The following COL6A6 variants were observed in gnomAD, a reference collection of about 807,000 sequenced individuals.
COL6A6 encodes collagen alpha-6(VI) chain.
A neutral mutation model predicts 208.6 loss-of-function variants in COL6A6; 183 were observed. The observed-to-expected ratio is 0.88, with a 90% CI of 0.78 to 0.99. COL6A6 has a LOEUF of 0.99. Ranked by LOEUF, COL6A6 falls within the 50% of genes least tolerant of loss-of-function variation. COL6A6 has a pLI of 0.00. For synonymous variants in COL6A6, 973 were observed against 1,011.8 expected (o/e 0.96, Z 0.73); for missense variants, 2,816 against 2,815.2 (o/e 1.00, Z -0.01).
rs774222244 is a variant in COL6A6 at position 130,574,425 on chromosome 3, C to G, written c.3447C>G (p.Thr1149=). The stretch of plus-strand genomic sequence containing the variant: ...ATGACCAGCAGCTCATTCAGATCAC[C>G]GGGACTGCAGAGAAAAAACTGACAG... The part of the protein sequence containing the change: ...DVDDQQLIQI[T]GTAEKKLTVH... Residue 1149 remains threonine (T), a synonymous_variant, in exon 8 of 37, where the codon ACC becomes ACG. Coordinates refer to ENST00000358511, the MANE Select transcript of COL6A6 (RefSeq NM_001102608.3). 1 of 1,613,984 alleles carries G rather than the reference C, an allele frequency of 6.2e-7. No homozygotes were observed. The highest frequency in any genetic ancestry group is 1.7e-5 in the Admixed American group (1 of 60,016).
Position 130,649,362 on chromosome 3 carries a change from G to T in COL6A6, c.5533G>T (p.Ala1845Ser). Reference sequence around the variant, plus strand: ...CTCTGCCAGCAGGGAGATTGGCAGAGCAATGCGGTTTATTTCCAGGAATGT... The same window carrying T: ...CTCTGCCAGCAGGGAGATTGGCAGATCAATGCGGTTTATTTCCAGGAATGT... Reference protein sequence around the residue: ...RSSASREIGRAMRFISRNVFK... With the variant: ...RSSASREIGRSMRFISRNVFK... Residue 1845 changes from alanine to serine, a missense_variant, in exon 33 of 37, where the codon GCA becomes TCA. Transcript: ENST00000358511. 1 of 1,611,594 alleles carries T rather than the reference G, an allele frequency of 6.2e-7. No homozygotes were observed. The highest frequency in any genetic ancestry group is 8.5e-7 in the Non-Finnish European group (1 of 1,178,950).
intron 6 of COL6A6, 82 bp downstream of exon 6, chr3:130,568,686 T>C: frequency 3.9e-6 from 5 of 1,273,496 alleles, no homozygotes; most frequent in Non-Finnish European, 3.2e-6. Context: ...TTTAATTCTA[T>C]TTACATATTG....
At chr3:130,549,874 G>C (rs1311820294) in intron 1 of COL6A6, among the ~76,000 whole-genome samples, 1 of 152,058 alleles carries the variant, frequency 6.6e-6, no homozygotes, top group East Asian at 1.9e-4. Flanking sequence ...CTCTTTTTTG[G>C]TTCCATCTAA....
chr3:130,520,021 C>G (rs1198560197), intron 1 of COL6A6, among the ~76,000 whole-genome samples: 1 of 152,186 alleles, frequency 6.6e-6, no homozygotes, highest in Non-Finnish European at 1.5e-5. Flanking sequence ...GCCTGTCACT[C>G]TGGCATGCTG....
intron 20 of COL6A6, among the ~76,000 whole-genome samples, chr3:130,603,669 T>C (rs1328428028): frequency 1.3e-5 from 2 of 152,228 alleles, no homozygotes; most frequent in Non-Finnish European, 2.9e-5. Context: ...TCTAGAGGGC[T>C]GTTAGTTATG....
At chr3:130,570,573 C>T (rs1306813361) in intron 6 of COL6A6, among the ~76,000 whole-genome samples, 2 of 152,106 alleles carry the variant, frequency 1.3e-5, no homozygotes, top group African/African-American at 4.8e-5. Context: ...TTGACCTCGT[C>T]CCACTCCCTG....
intron 21 of COL6A6, 30 bp downstream of exon 21, chr3:130,606,996 T>C (rs780879960): frequency 6.4e-7 from 1 of 1,554,210 alleles, no homozygotes; most frequent in South Asian, 1.1e-5. Context: ...TAACTCCAAA[T>C]AACAAATACT....
Position 130,592,500 on chromosome 3 carries a change from T to A in COL6A6, c.4273-41T>A, listed in dbSNP as rs559755301. 6.2e-5 allele frequency: 91 copies of A among 1,473,204 alleles called. 2 individuals carry two copies. The South Asian group carries it at 1.1e-3, about 18-fold the overall frequency. 91.3% of individuals were successfully genotyped at this position (1,473,204 alleles called of 1,614,324 possible). On this transcript the variant is annotated intron_variant, in intron 13 of 36. Coordinates refer to ENST00000358511, the MANE Select transcript of COL6A6 (RefSeq NM_001102608.3). ...CAAGTTTTCAAGACAGATCTCAGAT[T>A]ACAATAGAAAAAGCTCATTTGGATA...
intron 18 of COL6A6, among the ~76,000 whole-genome samples, chr3:130,595,468 G>A (rs947705305): frequency 6.6e-6 from 1 of 152,128 alleles, no homozygotes; most frequent in East Asian, 1.9e-4. Flanking sequence ...CATGCCCACT[G>A]CAGCCACTAC....
rs570350429 is a variant in COL6A6 at position 130,586,057 on chromosome 3, C to G, written c.3971-449C>G. ...GCAGGCTCAACCTCCCAGGCTTAAG[C>G]GATCCTCCCACTTCAGCCTCCCATG... is the stretch of plus-strand genomic sequence containing the variant. On this transcript the variant is annotated intron_variant, in intron 10 of 36. Coordinates refer to ENST00000358511, the MANE Select transcript of COL6A6 (RefSeq NM_001102608.3). Among the ~76,000 whole-genome samples, 3 of 152,198 alleles carry G rather than the reference C, an allele frequency of 2.0e-5. No homozygotes were observed. In the East Asian group the frequency reaches 5.8e-4, roughly 29 times the overall value.
chr3:130,571,483 C>G (rs1450884441), intron 7 of COL6A6, 90 bp downstream of exon 7: 1 of 903,030 alleles, frequency 1.1e-6, no homozygotes, highest in African/African-American at 1.7e-5. Context: ...AACAAGTTTT[C>G]CAGAGAGGAG....
chr3:130,568,236 G>A lies in COL6A6; in HGVS notation c.2033G>A (p.Arg678Lys). The part of the protein sequence containing the change: ...DINKEEFQLN[R>K]FMSQSDISNA... ...AATAAGGAAGAGTTTCAGCTCAACA[G>A]ATTCATGTCCCAAAGCGACATTTCA... is the stretch of plus-strand genomic sequence containing the variant. Residue 678 changes from arginine to lysine, a missense_variant, in exon 6 of 37, where the codon AGA becomes AAA. By Grantham distance (26) the Arg-to-Lys change is conservative. Coordinates refer to ENST00000358511, the MANE Select transcript of COL6A6 (RefSeq NM_001102608.3). 2 of 1,613,998 alleles carry A rather than the reference G, an allele frequency of 1.2e-6. No individual in the cohort carries two copies. Among genetic ancestry groups the A allele is most frequent in the Non-Finnish European group, 1.7e-6 (2 of 1,179,886 alleles).
intron 23 of COL6A6, among the ~76,000 whole-genome samples, chr3:130,613,076 G>A (rs954992852): frequency 2.0e-5 from 3 of 152,166 alleles, no homozygotes; most frequent in Non-Finnish European, 4.4e-5. Flanking sequence ...TCTTTCTCAT[G>A]AAATCCTTGC....
chr3:130,626,594 G>T, intron 25 of COL6A6, 47 bp downstream of exon 25: 1 of 1,316,608 alleles, frequency 7.6e-7, no homozygotes, highest in Non-Finnish European at 1.1e-6. Context: ...GAATCTTTTA[G>T]TTCAGTAGAC....
intron 1 of COL6A6, among the ~76,000 whole-genome samples, chr3:130,518,673 A>G (rs543637904): frequency 6.6e-6 from 1 of 152,216 alleles, no homozygotes; most frequent in Non-Finnish European, 1.5e-5. Context: ...TGCCCGGCTA[A>G]TTTTGTATTT....
chr3:130,626,522 G>A lies in COL6A6; in HGVS notation c.4916G>A (p.Gly1639Asp), dbSNP rs1361793926. ...PGDLGEKGAV[G>D]FPGPRGLQGN... ...GATCTGGGAGAAAAAGGAGCTGTTG[G>A]CTTTCCTGGTCCTCGTGGCTTGCAG... is the stretch of plus-strand genomic sequence containing the variant. Residue 1639 changes from glycine to aspartate, a missense_variant, in exon 25 of 37, where the codon GGC (glycine) becomes GAC (aspartate). Gly to Asp is a moderately conservative substitution (Grantham distance 94). Transcript: ENST00000358511. The A allele has an allele frequency of 6.2e-6, 10 of 1,613,424 alleles. No individual in the cohort carries two copies. Among genetic ancestry groups the A allele is most frequent in the Non-Finnish European group, 8.5e-6 (10 of 1,179,386 alleles).
At chr3:130,549,226 G>A (rs181710569) in intron 1 of COL6A6, among the ~76,000 whole-genome samples, 16 of 152,274 alleles carry the variant, frequency 1.1e-4, no homozygotes, top group Middle Eastern at 3.4e-3. Context: ...CTAGAGTACA[G>A]TGGCATGATC....
At chr3:130,616,867 T>A (rs2064544891) in intron 23 of COL6A6, among the ~76,000 whole-genome samples, 1 of 152,136 alleles carries the variant, frequency 6.6e-6, no homozygotes, top group Non-Finnish European at 1.5e-5. Context: ...GTGCTTCAGT[T>A]TTTTACTGTA....
chr3:130,561,440 C>A (rs1331709416), intron 2 of COL6A6, among the ~76,000 whole-genome samples: 2 of 152,142 alleles, frequency 1.3e-5, no homozygotes, highest in Non-Finnish European at 2.9e-5. Context: ...AATTATTTTA[C>A]CCATTATGCC....
Sources: allele counts gnomAD v4.1 joint callset (sites outside exome capture counted in the v4.1 genomes callset), GRCh38; gene constraint gnomAD v4.1.1; transcripts MANE v1.5; gene names NCBI Gene and HGNC (gene_info 2026-07-23, HGNC 2026-07-21).